SYT14: variants seen among roughly 807,000 people sequenced by gnomAD.
The protein encoded by SYT14 is synaptotagmin 14, also known as synaptotagmin-14.
A neutral mutation model predicts 74.2 loss-of-function variants in SYT14; 32 were observed. The observed-to-expected ratio is 0.43, with a 90% confidence interval of 0.33 to 0.58. The LOEUF (loss-of-function observed/expected upper bound fraction) is 0.58, where lower values mean the gene tolerates loss of function less well. Among genes scored for constraint, SYT14 ranks in the 20% least tolerant of loss-of-function variants. SYT14 has a pLI of 0.05. For synonymous variants in SYT14, 298 were observed against 337.7 expected (o/e 0.88, Z 1.29); for missense variants, 791 against 981.8 (o/e 0.81, Z 2.60).
At chr1:210,045,770 T>A (rs1450528593) in intron 5 of SYT14, among the ~76,000 whole-genome samples, 1 of 152,164 alleles carries the variant, frequency 6.6e-6, no homozygotes. Context: ...TAAAACAAAC[T>A]ATTTTTAAGT....
In SYT14 at chr1:209,970,662, CT is replaced by C. The variant is rs35639848; in HGVS notation, c.-486+17945del. Among the ~76,000 whole-genome samples the C allele has an allele frequency of 1.8e-3, 110 of 62,810 alleles. 1 individual carries two copies. Among genetic ancestry groups the C allele is most frequent in the African/African-American group, 7.0e-3 (106 of 15,150 alleles). 41.2% of individuals were successfully genotyped at this position (62,810 alleles called of 152,430 possible). A position where few individuals can be genotyped will look rare whatever the true frequency, so the allele number is the denominator to read the frequency against. On this transcript the variant is annotated intron_variant, in intron 2 of 9. Coordinates refer to ENST00000637265, the Ensembl canonical transcript of SYT14. ...TTACAGATTGCTTTGGGCAGTATGG[CT>C]TTTTTTTTTTTTTTTTTTTTTTTTT...
intron 1 of SYT14, among the ~76,000 whole-genome samples, chr1:209,949,759 A>G (rs997225745): frequency 6.6e-6 from 1 of 152,150 alleles, no homozygotes; most frequent in African/African-American, 2.4e-5. Flanking sequence ...TTCCACATGT[A>G]CATCAGTGAA....
At chr1:210,061,950 T>A (rs1357860637) in intron 5 of SYT14, among the ~76,000 whole-genome samples, 1 of 151,868 alleles carries the variant, frequency 6.6e-6, no homozygotes, top group Non-Finnish European at 1.5e-5. Context: ...TTTTCAATTA[T>A]CTCTTTTTTT....
At chr1:209,953,379 T>C (rs967995011) in intron 2 of SYT14, 10 of 609,006 alleles carry the variant, frequency 1.6e-5, no homozygotes, top group Non-Finnish European at 2.5e-5. Context: ...TGAAATCATA[T>C]GAAGGAAAGA....
chr1:210,153,417 A>G (rs1484797418), intron 7 of SYT14, among the ~76,000 whole-genome samples: 1 of 152,352 alleles, frequency 6.6e-6, no homozygotes, highest in East Asian at 1.9e-4. Flanking sequence ...AATTGAGCTA[A>G]TACAGTAACA....
intron 2 of SYT14, among the ~76,000 whole-genome samples, chr1:209,978,930 G>C (rs1202786868): frequency 6.6e-6 from 1 of 152,144 alleles, no homozygotes; most frequent in East Asian, 1.9e-4. Flanking sequence ...CAGCCTCGCT[G>C]CCGCCTTACA....
chr1:209,984,351 G>A (rs1006145984), intron 2 of SYT14, among the ~76,000 whole-genome samples: 4 of 152,092 alleles, frequency 2.6e-5, no homozygotes, highest in South Asian at 4.1e-4. Context: ...CACATCCCTC[G>A]TTGCTCTAAT....
At chr1:210,019,719 A>T (rs2080264045) in intron 4 of SYT14, among the ~76,000 whole-genome samples, 1 of 152,204 alleles carries the variant, frequency 6.6e-6, no homozygotes, top group East Asian at 1.9e-4. Context: ...TCCCACTCAA[A>T]TTTCAACCTC....
chr1:210,056,508 G>T (rs1050231815), intron 5 of SYT14, among the ~76,000 whole-genome samples: 8 of 151,834 alleles, frequency 5.3e-5, no homozygotes, highest in Admixed American at 3.9e-4. Flanking sequence ...TGAACAAAAG[G>T]TTCTATAACT....
chr1:210,030,370 T>A (rs962555440), intron 5 of SYT14, among the ~76,000 whole-genome samples: 5 of 152,098 alleles, frequency 3.3e-5, no homozygotes, highest in Non-Finnish European at 5.9e-5. Context: ...GCCAGGCTGA[T>A]CTTTAACTCC....
intron 5 of SYT14, among the ~76,000 whole-genome samples, chr1:210,048,528 G>A (rs1026660605): frequency 4.6e-5 from 7 of 152,140 alleles, no homozygotes; most frequent in African/African-American, 1.7e-4. Flanking sequence ...ACTATCACAA[G>A]AACAGCGCAG....
chr1:210,113,125 G>A (rs2082296452), intron 7 of SYT14, among the ~76,000 whole-genome samples: 1 of 151,340 alleles, frequency 6.6e-6, no homozygotes, highest in East Asian at 1.9e-4. Context: ...TACAGGGCGT[G>A]GTCCCGGCTC....
At chr1:210,074,847 T>C in intron 5 of SYT14, among the ~76,000 whole-genome samples, 1 of 152,154 alleles carries the variant, frequency 6.6e-6, no homozygotes, top group East Asian at 1.9e-4. Context: ...GAAGCCCCAG[T>C]GGGCATGTGT....
intron 1 of SYT14, among the ~76,000 whole-genome samples, chr1:209,941,415 A>G (rs906267910): frequency 1.3e-5 from 2 of 152,202 alleles, no homozygotes; most frequent in Non-Finnish European, 2.9e-5. Context: ...TGGCAATACC[A>G]GGTTGGGAAT....
intron 8 of SYT14, among the ~76,000 whole-genome samples, chr1:210,157,540 G>A (rs185239292): frequency 2.8e-4 from 42 of 151,540 alleles, no homozygotes; most frequent in Admixed American, 7.9e-4. Flanking sequence ...TCAGGAGATC[G>A]AGACCATCTT....
At chr1:210,134,916 C>T (rs1320634798) in intron 7 of SYT14, among the ~76,000 whole-genome samples, 1 of 152,064 alleles carries the variant, frequency 6.6e-6, no homozygotes, top group African/African-American at 2.4e-5. Context: ...ATATATGAGA[C>T]CCTTTGAAGT....
chr1:210,103,320 G>C (rs1167458581), intron 7 of SYT14, among the ~76,000 whole-genome samples: 1 of 151,958 alleles, frequency 6.6e-6, no homozygotes, highest in Non-Finnish European at 1.5e-5. Context: ...GGAGGCCGAG[G>C]TGGGCAGATC....
intron 7 of SYT14, among the ~76,000 whole-genome samples, chr1:210,113,394 G>C (rs564084992): frequency 6.6e-6 from 1 of 151,414 alleles, no homozygotes; most frequent in African/African-American, 2.5e-5. Flanking sequence ...AAACAATTTA[G>C]TTGATAAGGC....
At chr1:209,995,771 C>T (rs1057301849) in intron 2 of SYT14, among the ~76,000 whole-genome samples, 14 of 152,150 alleles carry the variant, frequency 9.2e-5, no homozygotes, top group Non-Finnish European at 1.8e-4. Context: ...AAACTCAAAT[C>T]ATACCAGCCA....
Sources: gnomAD v4.1 joint callset for allele counts (sites outside exome capture counted in the v4.1 genomes callset) on GRCh38, gnomAD v4.1.1 for gene constraint, MANE v1.5 for transcripts, NCBI Gene and HGNC (gene_info 2026-07-23, HGNC 2026-07-21) for gene names.